The following PEAK1 variants were observed in gnomAD, a reference collection of about 807,000 sequenced individuals.
PEAK1 encodes inactive tyrosine-protein kinase PEAK1.
In PEAK1, 54 loss-of-function variants were observed where a neutral mutation model predicts 124.7. The observed-to-expected ratio is 0.43, with a 90% CI of 0.35 to 0.54. PEAK1 has a LOEUF of 0.54. PEAK1 is among the 20% of genes least tolerant of loss of function. The pLI, the probability that PEAK1 is intolerant of heterozygous loss-of-function variation, is 0.01. For missense variants in PEAK1, 2,046 were observed against 2,134.5 expected (o/e 0.96, Z 0.82); for synonymous variants, 719 against 760.0 (o/e 0.95, Z 0.89).
At chr15:77,256,312 C>A (rs1313570987) in intron 5 of PEAK1, among the ~76,000 whole-genome samples, 1 of 151,994 alleles carries the variant, frequency 6.6e-6, no homozygotes, top group East Asian at 1.9e-4. Flanking sequence ...GATTTCAAAC[C>A]TTTGACACTA....
At chr15:77,121,256 A>G (rs544475331) in intron 9 of PEAK1, among the ~76,000 whole-genome samples, 69 of 152,056 alleles carry the variant, frequency 4.5e-4, no homozygotes, top group African/African-American at 1.6e-3. Context: ...TTTTTTGTCT[A>G]TCTTACAAGC....
At chr15:77,298,950 T>C (rs2063651566) in intron 2 of PEAK1, among the ~76,000 whole-genome samples, 3 of 152,164 alleles carry the variant, frequency 2.0e-5, no homozygotes, top group Non-Finnish European at 4.4e-5. Context: ...ATATACCCTC[T>C]TGTGGGTACA....
rs180691286 is a variant in PEAK1 at position 77,337,557 on chromosome 15, A to T, written c.-603+27606T>A. 20 of 985,066 alleles carry T rather than the reference A, an allele frequency of 2.0e-5. No individual in the cohort carries two copies. The African/African-American group carries it at 3.5e-4, about 17-fold the overall frequency. 61.0% of individuals were successfully genotyped at this position (985,066 alleles called of 1,614,324 possible). A position where few individuals can be genotyped will look rare whatever the true frequency, so the allele number is the denominator to read the frequency against. ...GAAGATAAGATGTAGTCTGGCAGAG[A>T]TTCCACACCAACAGAATTTTTAACT... On this transcript the variant is annotated intron_variant, in intron 2 of 9. Coordinates refer to ENST00000682557, the MANE Select transcript of PEAK1 (RefSeq NM_001385026.1).
At chr15:77,377,051 T>C (rs1335037956) in intron 1 of PEAK1, among the ~76,000 whole-genome samples, 1 of 152,186 alleles carries the variant, frequency 6.6e-6, no homozygotes, top group East Asian at 1.9e-4. Flanking sequence ...GTTACTATAT[T>C]GAATACTGTA....
At chr15:77,351,567 TC>T in intron 2 of PEAK1, 1 of 316,318 alleles carries the variant, frequency 3.2e-6, no homozygotes, top group Non-Finnish European at 4.6e-6. Context: ...CATGAAAAAC[TC>T]CGTTAACAGG....
chr15:77,184,751 G>C (rs1295420046), intron 6 of PEAK1, among the ~76,000 whole-genome samples: 1 of 152,132 alleles, frequency 6.6e-6, no homozygotes, highest in Non-Finnish European at 1.5e-5. Flanking sequence ...ACAAAAATTA[G>C]CCAGGCATGG....
intron 1 of PEAK1, among the ~76,000 whole-genome samples, chr15:77,395,687 T>C (rs546596948): frequency 1.3e-5 from 2 of 152,260 alleles, no homozygotes; most frequent in Non-Finnish European, 2.9e-5. Context: ...AAAAAACCTT[T>C]ATCCTAGAGT....
chr15:77,291,753 G>A (rs1445453310), intron 2 of PEAK1, among the ~76,000 whole-genome samples: 3 of 151,994 alleles, frequency 2.0e-5, no homozygotes, highest in African/African-American at 7.3e-5. Flanking sequence ...CGAGGCAAGT[G>A]GACCACGAGG....
chr15:77,352,579 T>A (rs2067272223), intron 2 of PEAK1: 1 of 943,638 alleles, frequency 1.1e-6, no homozygotes, highest in Non-Finnish European at 1.3e-6. Flanking sequence ...TTTTAATATA[T>A]ATAAAACTAC....
chr15:77,335,364 A>G, intron 2 of PEAK1: 2 of 985,336 alleles, frequency 2.0e-6, no homozygotes, highest in Non-Finnish European at 2.4e-6. Context: ...CCATTCATCT[A>G]TGTATCTAGT....
At position 77,200,396 on chromosome 15, in the gene PEAK1, T is replaced by C. The variant is rs116653667; in HGVS notation, c.-114-18356A>G. ...GGAGTCAAAAGTTATATGCAGATTTTTGACTGTGTGTGGGGTCAGCATCCC... is the reference window on the plus strand; with the variant it reads ...GGAGTCAAAAGTTATATGCAGATTTCTGACTGTGTGTGGGGTCAGCATCCC... On this transcript the variant is annotated intron_variant, in intron 6 of 9. Coordinates refer to ENST00000682557, the MANE Select transcript of PEAK1 (RefSeq NM_001385026.1). 4.3e-3 allele frequency among the ~76,000 whole-genome samples: 660 copies of C among 152,304 alleles called. 4 individuals carry two copies. The highest frequency in any genetic ancestry group is 0.014 in the African/African-American group (565 of 41,564).
intron 2 of PEAK1, chr15:77,347,286 T>C (rs1310928025): frequency 1.0e-6 from 1 of 984,842 alleles, no homozygotes; most frequent in East Asian, 1.1e-4. Flanking sequence ...TTCATGGAAA[T>C]TCACTTTTGG....
chr15:77,372,134 C>G (rs981352219), intron 1 of PEAK1, among the ~76,000 whole-genome samples: 1 of 152,162 alleles, frequency 6.6e-6, no homozygotes, highest in Non-Finnish European at 1.5e-5. Flanking sequence ...GAAGAGATAT[C>G]CAATAGATGT....
At chr15:77,311,476 G>C (rs1354351989) in intron 2 of PEAK1, among the ~76,000 whole-genome samples, 1 of 152,076 alleles carries the variant, frequency 6.6e-6, no homozygotes, top group Non-Finnish European at 1.5e-5. Flanking sequence ...AGGAGTTCAA[G>C]TCTAGCCTGG....
intron 6 of PEAK1, among the ~76,000 whole-genome samples, chr15:77,203,409 G>C (rs549422066): frequency 7.0e-4 from 106 of 152,272 alleles, no homozygotes; most frequent in African/African-American, 2.4e-3. Flanking sequence ...AGGCAAAGCA[G>C]AATACAATGA....
Position 77,133,506 on chromosome 15 carries a change from G to T in PEAK1, c.3576C>A (p.Pro1192=). ...AACCAGCACTGCTGGCATCCCAGTT[G>T]GGGTCGATATCATAGGTGGGATTAG... ...VMANPTYDID[P]NWDASSAGSS... is the part of the protein sequence containing the mutation. The change falls in exon 9 of 10, where the codon CCC becomes CCA. Residue 1192 remains proline (P), a synonymous_variant. Transcript: ENST00000682557. The surrounding 1 kb of genome is among the most constrained non-coding windows in gnomAD (Gnocchi z 4.2). The T allele has an allele frequency of 6.2e-7, 1 of 1,614,206 alleles. No homozygotes were observed.
intron 2 of PEAK1, chr15:77,332,312 T>C: frequency 1.0e-6 from 1 of 984,164 alleles, no homozygotes; most frequent in Non-Finnish European, 1.2e-6. Flanking sequence ...TGTTGAAAAA[T>C]TTTTTGGCCG....
At chr15:77,333,113 GATAC>G in intron 2 of PEAK1, 1 of 982,202 alleles carries the variant, frequency 1.0e-6, no homozygotes, top group Non-Finnish European at 1.2e-6. Flanking sequence ...GATGGTATTT[GATAC>G]ATAATTTTTT....
At chr15:77,306,457 A>G (rs1200042378) in intron 2 of PEAK1, among the ~76,000 whole-genome samples, 1 of 152,196 alleles carries the variant, frequency 6.6e-6, no homozygotes, top group Non-Finnish European at 1.5e-5. Context: ...TGATAGATGC[A>G]GGATACTTTC....
Sources: gnomAD v4.1 joint callset for allele counts (sites outside exome capture counted in the v4.1 genomes callset) on GRCh38, gnomAD v4.1.1 for gene constraint, Gnocchi (gnomAD v3.1) non-coding constraint, MANE v1.5 for transcripts, NCBI Gene and HGNC (gene_info 2026-07-23, HGNC 2026-07-21) for gene names.